MAMDC2: variants seen among roughly 807,000 people sequenced by gnomAD.
MAMDC2 encodes MAM domain-containing protein 2.
A neutral mutation model predicts 89.8 loss-of-function variants in MAMDC2; 57 were observed. That is an observed-to-expected ratio of 0.63 (90% CI 0.51 to 0.79). The LOEUF is 0.79. Ranked by LOEUF, MAMDC2 falls within the 30% of genes least tolerant of loss-of-function variation. The probability of loss-of-function intolerance (pLI) is 0.00; values close to 1 mark genes in which losing one functional copy is unlikely to be tolerated. For synonymous variants in MAMDC2, 313 were observed against 293.4 expected (o/e 1.07, Z -0.68); for missense variants, 800 against 820.6 (o/e 0.97, Z 0.31).
chr9:70,118,592 C>A (rs2030127181), intron 5 of MAMDC2, among the ~76,000 whole-genome samples: 1 of 152,170 alleles, frequency 6.6e-6, no homozygotes, highest in East Asian at 1.9e-4. Context: ...GGAGTTCTAT[C>A]AATTTGGGTG....
At chr9:70,190,469 C>A (rs1371796891) in intron 11 of MAMDC2, among the ~76,000 whole-genome samples, 1 of 152,032 alleles carries the variant, frequency 6.6e-6, no homozygotes, top group Non-Finnish European at 1.5e-5. Flanking sequence ...AGTGCTCTAG[C>A]GGGAAGTTTA....
intron 2 of MAMDC2, among the ~76,000 whole-genome samples, chr9:70,046,594 A>C (rs1826759474): frequency 6.6e-6 from 1 of 152,212 alleles, no homozygotes; most frequent in Non-Finnish European, 1.5e-5. Context: ...TGCCTCCCAG[A>C]CCCACAGGAA....
chr9:70,217,278 T>A, intron 11 of MAMDC2: 1 of 1,217,962 alleles, frequency 8.2e-7, no homozygotes, highest in Non-Finnish European at 1.2e-6. Flanking sequence ...ACGGGAAGGT[T>A]TTCGAGTTTC....
chr9:70,052,532 A>T (rs927507477), intron 2 of MAMDC2, among the ~76,000 whole-genome samples: 10 of 152,056 alleles, frequency 6.6e-5, no homozygotes, highest in African/African-American at 1.9e-4. Context: ...CTCCCTTCCC[A>T]TGGCTCTCTG....
At chr9:70,069,936 C>T (rs1013218154) in intron 2 of MAMDC2, among the ~76,000 whole-genome samples, 2 of 152,174 alleles carry the variant, frequency 1.3e-5, no homozygotes, top group Admixed American at 6.5e-5. Flanking sequence ...ATAACAGTCT[C>T]AATGTGTCTT....
At chr9:70,166,320 T>C (rs1425439981) in intron 9 of MAMDC2, among the ~76,000 whole-genome samples, 7 of 146,338 alleles carry the variant, frequency 4.8e-5, no homozygotes, top group East Asian at 2.0e-4. Context: ...TATATATACA[T>C]ACACATATAT....
intron 2 of MAMDC2, chr9:70,105,775 G>T (rs1278541730): frequency 6.6e-6 from 1 of 152,098 alleles, no homozygotes; most frequent in Non-Finnish European, 1.5e-5. Context: ...ATCTGATCAG[G>T]TGAGAGAGAA....
intron 11 of MAMDC2, among the ~76,000 whole-genome samples, chr9:70,206,003 A>C (rs1289327198): frequency 6.6e-6 from 1 of 152,226 alleles, no homozygotes; most frequent in Admixed American, 6.5e-5. Flanking sequence ...ACTTGTCATC[A>C]AAACGAATGA....
intron 2 of MAMDC2, among the ~76,000 whole-genome samples, chr9:70,102,414 G>A (rs139199650): frequency 1.3e-5 from 2 of 152,286 alleles, no homozygotes; most frequent in Non-Finnish European, 2.9e-5. Flanking sequence ...CTTGTGCCCT[G>A]ACCATGCTGC....
At chr9:70,050,896 G>A (rs1474242302) in intron 2 of MAMDC2, among the ~76,000 whole-genome samples, 1 of 152,166 alleles carries the variant, frequency 6.6e-6, no homozygotes. Flanking sequence ...ATAACACTGA[G>A]TTTCATACTT....
intron 2 of MAMDC2, among the ~76,000 whole-genome samples, chr9:70,058,083 C>G (rs887406753): frequency 2.6e-5 from 4 of 152,264 alleles, no homozygotes; most frequent in South Asian, 4.1e-4. Flanking sequence ...ACTGAGTGGG[C>G]ATGTTGGCAT....
At position 70,153,012 on chromosome 9, in the gene MAMDC2, G is replaced by A. The variant is rs2031632653; in HGVS notation, c.1404+9193G>A. The A allele has an allele frequency of 2.0e-5, 3 of 151,954 alleles. No homozygotes were observed. The South Asian group carries it at 6.2e-4, about 32-fold the overall frequency. 9.4% of individuals were successfully genotyped at this position (151,954 alleles called of 1,614,324 possible). On this transcript the variant is annotated intron_variant, in intron 9 of 13. Transcript: ENST00000377182. ...TATAGACAACATCTCTTTAATACGT[G>A]GATAATTCTACACCTGATTTTTGCT...
chr9:70,087,107 C>T (rs1051217313), intron 2 of MAMDC2: 1 of 152,034 alleles, frequency 6.6e-6, no homozygotes, highest in Non-Finnish European at 1.5e-5. Context: ...GTCTCCTGAC[C>T]ACCTTCTACT....
rs114103052 is a variant in MAMDC2 at position 70,158,117 on chromosome 9, A to G, written c.1405-10585A>G. Among the ~76,000 whole-genome samples the G allele has an allele frequency of 8.0e-3, 1,210 of 152,154 alleles. 7 individuals are homozygous for G. The highest frequency in any genetic ancestry group is 0.028 in the African/African-American group (1,152 of 41,520). ...GAAGTACAGGTGTGCACCATCATGT[A>G]CAGCTAATTTTTGCATTTTTTGTAG... On this transcript the variant is annotated intron_variant, in intron 9 of 13. Coordinates refer to ENST00000377182, the MANE Select transcript of MAMDC2 (RefSeq NM_153267.5).
intron 7 of MAMDC2, among the ~76,000 whole-genome samples, chr9:70,137,525 A>G (rs1311953680): frequency 6.6e-6 from 1 of 152,164 alleles, no homozygotes; most frequent in Non-Finnish European, 1.5e-5. Context: ...TGAATCTTGC[A>G]TCCCTGGTAG....
intron 5 of MAMDC2, among the ~76,000 whole-genome samples, chr9:70,122,189 G>A (rs1187997514): frequency 6.6e-6 from 1 of 152,190 alleles, no homozygotes; most frequent in Non-Finnish European, 1.5e-5. Flanking sequence ...CTAGTCTGGT[G>A]GTTCTGTATG....
At chr9:70,210,674 T>A (rs1054548280) in intron 11 of MAMDC2, among the ~76,000 whole-genome samples, 1 of 152,236 alleles carries the variant, frequency 6.6e-6, no homozygotes, top group Non-Finnish European at 1.5e-5. Context: ...GATCCTGTCA[T>A]GACGTTAGCT....
At chr9:70,069,393 C>T (rs1484009634) in intron 2 of MAMDC2, among the ~76,000 whole-genome samples, 1 of 152,212 alleles carries the variant, frequency 6.6e-6, no homozygotes, top group Non-Finnish European at 1.5e-5. Flanking sequence ...GTTATCTCCA[C>T]CTGCTTTGTT....
At chr9:70,097,030 C>T (rs185841507) in intron 2 of MAMDC2, among the ~76,000 whole-genome samples, 133 of 152,258 alleles carry the variant, frequency 8.7e-4, no homozygotes, top group African/African-American at 3.1e-3. Context: ...AGGAAGAAGT[C>T]GGACATGATC....
Sources: allele counts gnomAD v4.1 joint callset (sites outside exome capture counted in the v4.1 genomes callset), GRCh38; gene constraint gnomAD v4.1.1; transcripts MANE v1.5; gene names NCBI Gene and HGNC (gene_info 2026-07-23, HGNC 2026-07-21).